PTPRR: variants seen among roughly 807,000 people sequenced by gnomAD.
PTPRR encodes the protein protein tyrosine phosphatase receptor type R, also known as receptor-type tyrosine-protein phosphatase R.
A neutral mutation model predicts 77.2 loss-of-function variants in PTPRR; 38 were observed. That is an observed-to-expected ratio of 0.49 (90% CI 0.38 to 0.65). PTPRR has a LOEUF of 0.65. PTPRR is among the 30% of genes least tolerant of loss of function. PTPRR has a pLI of 0.00. For missense variants in PTPRR, 744 were observed against 799.2 expected (o/e 0.93, Z 0.83); for synonymous variants, 299 against 283.1 (o/e 1.06, Z -0.57).
chr12:70,820,343 T>A (rs1319121657), intron 2 of PTPRR, among the ~76,000 whole-genome samples: 1 of 152,198 alleles, frequency 6.6e-6, no homozygotes, highest in Non-Finnish European at 1.5e-5. Flanking sequence ...TTTTCTTTTT[T>A]TGGTGAGATG....
At chr12:70,727,327 A>G (rs1461224100) in intron 6 of PTPRR, among the ~76,000 whole-genome samples, 3 of 152,262 alleles carry the variant, frequency 2.0e-5, no homozygotes, top group East Asian at 1.9e-4. Flanking sequence ...TTCTCTGGGA[A>G]ACTATAGTAG....
At chr12:70,648,394 T>C (rs1324972479) in intron 13 of PTPRR, among the ~76,000 whole-genome samples, 1 of 152,210 alleles carries the variant, frequency 6.6e-6, no homozygotes, top group African/African-American at 2.4e-5. Flanking sequence ...CTGCAATCAC[T>C]GAATTCCAGC....
At chr12:70,775,501 A>G (rs1469145961) in intron 2 of PTPRR, among the ~76,000 whole-genome samples, 4 of 152,208 alleles carry the variant, frequency 2.6e-5, no homozygotes, top group Non-Finnish European at 1.5e-5. Flanking sequence ...GTAAAGGATA[A>G]TTGAATTATT....
chr12:70,818,704 T>A (rs183262764), intron 2 of PTPRR, among the ~76,000 whole-genome samples: 1 of 152,144 alleles, frequency 6.6e-6, no homozygotes, highest in African/African-American at 2.4e-5. Flanking sequence ...CAAAAATCTG[T>A]GTCAAATCAC....
At chr12:70,818,649 G>A (rs909047865) in intron 2 of PTPRR, among the ~76,000 whole-genome samples, 1 of 152,082 alleles carries the variant, frequency 6.6e-6, no homozygotes, top group African/African-American at 2.4e-5. Flanking sequence ...TAGTTGTCAT[G>A]TTGCCTTAGA....
At chr12:70,642,097 A>G (rs1886024864) in intron 13 of PTPRR, among the ~76,000 whole-genome samples, 1 of 152,052 alleles carries the variant, frequency 6.6e-6, no homozygotes, top group African/African-American at 2.4e-5. Flanking sequence ...TTTCTCTTCC[A>G]GCTGCACGTT....
At chr12:70,754,536 C>A (rs1315987916) in intron 4 of PTPRR, 1 of 1,587,658 alleles carries the variant, frequency 6.3e-7, no homozygotes, top group Non-Finnish European at 8.5e-7. Context: ...ATGGCATCTG[C>A]AGGTCCCAGG....
At chr12:70,730,340 G>A (rs879856758) in intron 6 of PTPRR, among the ~76,000 whole-genome samples, 2 of 151,928 alleles carry the variant, frequency 1.3e-5, no homozygotes, top group African/African-American at 2.4e-5. Flanking sequence ...GTGAAACCCC[G>A]TCTCTACTAA....
chr12:70,805,807 G>A (rs1267532374), intron 2 of PTPRR, among the ~76,000 whole-genome samples: 1 of 152,192 alleles, frequency 6.6e-6, no homozygotes, highest in Non-Finnish European at 1.5e-5. Context: ...TAGGTTGTAA[G>A]TTGTAGAGTT....
intron 6 of PTPRR, 39 bp downstream of exon 6, chr12:70,745,779 T>C (rs1565678803): frequency 1.3e-6 from 2 of 1,574,874 alleles, no homozygotes; most frequent in Non-Finnish European, 1.7e-6. Context: ...ACTCTTTTTA[T>C]AAAAAGCCAC....
At position 70,867,083 on chromosome 12, in the gene PTPRR, A is replaced by G. The variant is rs1285562126; in HGVS notation, c.357+25596T>C. ...CTATGACAAACCCACAGCCAATATC[A>G]TACTGAATGGGCAAAAACTGGAAGC... On this transcript the variant is annotated intron_variant, in intron 2 of 13. Transcript: ENST00000283228. 2.7e-5 allele frequency among the ~76,000 whole-genome samples: 4 copies of G among 150,330 alleles called. No individual in the cohort carries two copies. The East Asian group carries it at 7.8e-4, about 29-fold the overall frequency.
intron 2 of PTPRR, among the ~76,000 whole-genome samples, chr12:70,869,399 C>T (rs187518602): frequency 2.0e-5 from 3 of 152,144 alleles, no homozygotes; most frequent in African/African-American, 4.8e-5. Context: ...CCAGATGCTG[C>T]GTCCTAGAAG....
chr12:70,742,523 G>C (rs1381773459), intron 6 of PTPRR, among the ~76,000 whole-genome samples: 2 of 152,132 alleles, frequency 1.3e-5, no homozygotes, highest in Non-Finnish European at 2.9e-5. Context: ...CAGGAAATAG[G>C]GGTCAACATA....
intron 6 of PTPRR, among the ~76,000 whole-genome samples, chr12:70,733,481 A>AAAAAAAAAAAAAAAAAAAAAAAATAAT (rs1565672469): frequency 8.7e-5 from 7 of 80,836 alleles, no homozygotes; most frequent in Admixed American, 1.2e-4. Context: ...AAAAAAAAAA[A>AAAAAAAAAAAAAAAAAAAAAAAATAAT]GAAAAAAAAA....
At chr12:70,889,202 C>T (rs889003789) in intron 2 of PTPRR, among the ~76,000 whole-genome samples, 1 of 152,126 alleles carries the variant, frequency 6.6e-6, no homozygotes, top group Non-Finnish European at 1.5e-5. Flanking sequence ...TCGGGTAATC[C>T]ACTACACAAA....
rs558627268 is a variant in PTPRR, at chr12:70,765,326, C to T, written c.358-548G>A. Among the ~76,000 whole-genome samples the T allele has an allele frequency of 5.4e-4, 82 of 152,252 alleles. 1 individual carries two copies. The South Asian group carries it at 0.016, about 29-fold the overall frequency. On this transcript the variant is annotated intron_variant, in intron 2 of 13. Coordinates refer to ENST00000283228, the MANE Select transcript of PTPRR (RefSeq NM_002849.4). ...CCACCCCAATACTGCGCTTTTCCGA[C>T]GGGCTTAAAAAATGGCACACCAGGA...
chr12:70,877,089 G>A (rs1324766500), intron 2 of PTPRR, among the ~76,000 whole-genome samples: 1 of 152,154 alleles, frequency 6.6e-6, no homozygotes, highest in East Asian at 1.9e-4. Context: ...AGTCTCAGAG[G>A]AACTGACGTG....
chr12:70,645,761 G>A (rs976956345), intron 13 of PTPRR, among the ~76,000 whole-genome samples: 1 of 152,062 alleles, frequency 6.6e-6, no homozygotes. Flanking sequence ...GATCAGTGTC[G>A]TCTCAGTCTC....
chr12:70,776,739 G>A (rs557109484), intron 2 of PTPRR, among the ~76,000 whole-genome samples: 11 of 152,138 alleles, frequency 7.2e-5, no homozygotes, highest in African/African-American at 2.4e-4. Flanking sequence ...AAGAGTTAAA[G>A]ATTCCAATTC....
Sources: allele counts gnomAD v4.1 joint callset (sites outside exome capture counted in the v4.1 genomes callset), GRCh38; gene constraint gnomAD v4.1.1; transcripts MANE v1.5; gene names NCBI Gene and HGNC (gene_info 2026-07-23, HGNC 2026-07-21).